Variants in NCOA1 observed in about 807,000 individuals in gnomAD.
NCOA1 encodes the protein nuclear receptor coactivator 1.
A neutral mutation model predicts 150.9 loss-of-function variants in NCOA1; 35 were observed. The ratio of observed to expected loss-of-function variants is 0.23; its 90% confidence interval spans 0.18 to 0.31. NCOA1 has a LOEUF of 0.31. NCOA1 is among the 10% of genes least tolerant of loss of function. NCOA1 has a pLI of 1.00. For synonymous variants in NCOA1, 590 were observed against 630.0 expected, an observed-to-expected ratio of 0.94 and a Z score of 0.95; for missense variants, 1,491 against 1,749.3, an observed-to-expected ratio of 0.85 and a Z score of 2.63.
intron 4 of NCOA1, among the ~76,000 whole-genome samples, chr2:24,658,026 G>GC (rs1671022673): frequency 6.6e-6 from 1 of 152,156 alleles, no homozygotes; most frequent in African/African-American, 2.4e-5. Context: ...GGTGTGCTAG[G>GC]CGGAATGACT....
At chr2:24,506,501 T>C (rs563974160) in intron 1 of NCOA1, among the ~76,000 whole-genome samples, 35 of 152,200 alleles carry the variant, frequency 2.3e-4, no homozygotes, top group Non-Finnish European at 8.8e-5. Flanking sequence ...CTCAATTGAC[T>C]GTCCATTGGT....
At chr2:24,764,829 G>A (rs1664965685) in intron 22 of NCOA1, among the ~76,000 whole-genome samples, 1 of 152,176 alleles carries the variant, frequency 6.6e-6, no homozygotes, top group Non-Finnish European at 1.5e-5. Context: ...CAGTTGAGAA[G>A]GACAAAGATT....
intron 3 of NCOA1, among the ~76,000 whole-genome samples, chr2:24,608,067 T>A (rs1412295866): frequency 6.6e-6 from 1 of 152,054 alleles, no homozygotes; most frequent in Non-Finnish European, 1.5e-5. Context: ...AACTAACTCA[T>A]AGTTTTAGAG....
intron 7 of NCOA1, among the ~76,000 whole-genome samples, chr2:24,681,509 C>T (rs1241353757): frequency 1.3e-5 from 2 of 152,122 alleles, no homozygotes; most frequent in African/African-American, 4.8e-5. Context: ...TTCAGTATCA[C>T]GTCATTTTCA....
At chr2:24,508,737 A>G (rs1663810248) in intron 1 of NCOA1, among the ~76,000 whole-genome samples, 1 of 152,048 alleles carries the variant, frequency 6.6e-6, no homozygotes, top group Non-Finnish European at 1.5e-5. Context: ...CCCTCTCTAT[A>G]TCCTGTAAAT....
At chr2:24,661,041 A>C (rs1174126937) in intron 5 of NCOA1, among the ~76,000 whole-genome samples, 1 of 152,134 alleles carries the variant, frequency 6.6e-6, no homozygotes, top group East Asian at 1.9e-4. Context: ...AGCTTGGGCA[A>C]CAAGAGCAAA....
In NCOA1 at chr2:24,707,154, A is replaced by C. The variant is rs768130159; in HGVS notation, c.1684A>C (p.Arg562=). 3 of 1,614,224 alleles carry C rather than the reference A, an allele frequency of 1.9e-6. No individual in the cohort carries two copies. Among genetic ancestry groups the C allele is most frequent in the Non-Finnish European group, 2.5e-6 (3 of 1,180,034 alleles). ...CTTCTCTGCCAGTTCTCCAGTCCTC[A>C]GGCAGATGAGCTCACAGAATTCACC... ...VGFSASSPVL[R]QMSSQNSPSR... The change falls in exon 13 of 23, where the codon AGG becomes CGG. Residue 562 remains arginine (R), a synonymous_variant. Coordinates refer to ENST00000348332, the MANE Select transcript of NCOA1 (RefSeq NM_003743.5).
chr2:24,572,769 A>G (rs1666792786), intron 2 of NCOA1, among the ~76,000 whole-genome samples: 1 of 152,180 alleles, frequency 6.6e-6, no homozygotes, highest in Non-Finnish European at 1.5e-5. Context: ...TTGGAAACTG[A>G]AGACTGTGGC....
intron 6 of NCOA1, among the ~76,000 whole-genome samples, chr2:24,669,560 T>C (rs557374530): frequency 6.6e-6 from 1 of 152,354 alleles, no homozygotes; most frequent in Admixed American, 6.5e-5. Context: ...CTTGATAGTT[T>C]GTTTTTTAGA....
chr2:24,744,012 T>C (rs1663752862), intron 19 of NCOA1, among the ~76,000 whole-genome samples: 1 of 152,234 alleles, frequency 6.6e-6, no homozygotes, highest in Non-Finnish European at 1.5e-5. Context: ...CAAAGCCACC[T>C]GGAAAGGCGG....
chr2:24,729,655 A>G lies in NCOA1; in HGVS notation c.3041A>G (p.Gln1014Arg), dbSNP rs1284293613. ...LPSPFQGMVR[Q>R]KPSLGTMPVQ... is the part of the protein sequence containing the mutation. ...AGCCCTTTCCAAGGCATGGTCAGGC[A>G]AAAACCTTCACTGGGGACGATGCCT... The change falls in exon 17 of 23, where the codon CAA (glutamine) becomes CGA (arginine). Residue 1014 changes from glutamine (Q) to arginine (R), a missense_variant. Around this residue, in one of 8 missense-constraint regions of NCOA1, gnomAD observed 485 missense variants for 522.8 expected, o/e 0.93. Transcript: ENST00000348332. The G allele has an allele frequency of 6.2e-7, 1 of 1,614,158 alleles. No homozygotes were observed. Among genetic ancestry groups the G allele is most frequent in the Non-Finnish European group, 8.5e-7 (1 of 1,180,012 alleles).
chr2:24,594,070 G>A (rs542991304), intron 3 of NCOA1, among the ~76,000 whole-genome samples: 37 of 152,136 alleles, frequency 2.4e-4, no homozygotes, highest in African/African-American at 8.7e-4. Context: ...TGTAATTTAT[G>A]TGAAGGAAAT....
intron 2 of NCOA1, among the ~76,000 whole-genome samples, chr2:24,572,228 G>T (rs531313207): frequency 1.1e-3 from 166 of 152,286 alleles, no homozygotes; most frequent in Non-Finnish European, 1.9e-3. Context: ...CTAGGCCTGG[G>T]ACAGGTGGGT....
intron 7 of NCOA1, among the ~76,000 whole-genome samples, chr2:24,676,568 T>C (rs1671920006): frequency 6.6e-6 from 1 of 152,046 alleles, no homozygotes; most frequent in South Asian, 2.1e-4. Flanking sequence ...AAAGCCAGAG[T>C]GTTTTCTTAA....
chr2:24,627,432 A>G (rs981529177), intron 3 of NCOA1, among the ~76,000 whole-genome samples: 1 of 152,222 alleles, frequency 6.6e-6, no homozygotes. Context: ...GTTCTTTGCT[A>G]TCCTTAAGGG....
At chr2:24,719,028 CAAAAAAAAAAAA>C (rs59556004) in intron 14 of NCOA1, among the ~76,000 whole-genome samples, 15 of 34,466 alleles carry the variant, frequency 4.4e-4, no homozygotes, top group South Asian at 2.7e-3. Context: ...GACTCTGTCC[CAAAAAAAAAAAA>C]AAAAAAAAAA....
At chr2:24,633,279 A>G (rs1669788470) in intron 3 of NCOA1, among the ~76,000 whole-genome samples, 1 of 152,130 alleles carries the variant, frequency 6.6e-6, no homozygotes, top group Non-Finnish European at 1.5e-5. Flanking sequence ...ACCAATTAAG[A>G]ACATATAGTA....
At chr2:24,527,874 G>A (rs1277760059) in intron 1 of NCOA1, among the ~76,000 whole-genome samples, 2 of 152,060 alleles carry the variant, frequency 1.3e-5, no homozygotes, top group Non-Finnish European at 2.9e-5. Context: ...TTGGTTTAAG[G>A]TGATATCTCA....
chr2:24,649,286 T>G (rs1399291924), intron 4 of NCOA1, among the ~76,000 whole-genome samples: 1 of 152,178 alleles, frequency 6.6e-6, no homozygotes, highest in Non-Finnish European at 1.5e-5. Flanking sequence ...AAAATGATCA[T>G]TTACTTTTTT....
Sources: allele counts gnomAD v4.1 joint callset (sites outside exome capture counted in the v4.1 genomes callset), GRCh38; gene constraint gnomAD v4.1.1; regional missense constraint gnomAD v4.1.1; transcripts MANE v1.5; gene names NCBI Gene and HGNC (gene_info 2026-07-23, HGNC 2026-07-21).